The following BICRA variants were observed in gnomAD, a reference collection of about 807,000 sequenced individuals.
BICRA encodes the protein BRD4-interacting chromatin-remodeling complex-associated protein.
In BICRA, 31 loss-of-function variants were observed where a neutral mutation model predicts 96.9. The observed-to-expected ratio is 0.32, with a 90% confidence interval of 0.24 to 0.43. The LOEUF is 0.43. Among genes scored for constraint, BICRA ranks in the 20% least tolerant of loss-of-function variants. The probability of loss-of-function intolerance (pLI) is 1.00; values close to 1 mark genes in which losing one functional copy is unlikely to be tolerated. For missense variants in BICRA, 2,283 were observed against 2,190.3 expected (o/e 1.04, Z -0.84); for synonymous variants, 1,350 against 1,071.8 (o/e 1.26, Z -5.07).
At chr19:47,676,085 G>A (rs1972936226) in intron 5 of BICRA, among the ~76,000 whole-genome samples, 169 bp downstream of exon 5, 1 of 152,088 alleles carries the variant, frequency 6.6e-6, no homozygotes, top group South Asian at 2.1e-4. Flanking sequence ...GTGCAGGAGG[G>A]AGCAGAGCTG....
chr19:47,694,809 G>A (rs901849658), intron 8 of BICRA, 83 bp downstream of exon 8: 28 of 1,102,316 alleles, frequency 2.5e-5, no homozygotes, highest in Admixed American at 1.6e-4. Context: ...TCCGCCTTAC[G>A]GCTCTGTGAT....
At chr19:47,629,690 C>T (rs1286568592) in intron 1 of BICRA, among the ~76,000 whole-genome samples, 2 of 152,112 alleles carry the variant, frequency 1.3e-5, no homozygotes, top group African/African-American at 4.8e-5. Context: ...CGGAGTCTCG[C>T]TCTGTCGCCC....
At chr19:47,634,327 C>T (rs1344290334) in intron 1 of BICRA, among the ~76,000 whole-genome samples, 2 of 152,078 alleles carry the variant, frequency 1.3e-5, no homozygotes, top group African/African-American at 4.8e-5. Context: ...GGCCTGCCCT[C>T]GACATGGGAT....
chr19:47,695,415 C>T lies in BICRA; in HGVS notation c.3127C>T (p.Pro1043Ser). Residue 1043 changes from proline (P) to serine (S), a missense_variant, in exon 10 of 15, where the codon CCG (proline) becomes TCG (serine). Coordinates refer to ENST00000594866, the MANE Select transcript of BICRA (RefSeq NM_001394372.1). The part of the protein sequence containing the change: ...AENKAFASNL[P>S]TLNVAKAASS... ...GAACAAGGCTTTTGCCAGCAACCTC[C>T]CGACCCTGAATGTGGCCAAGGCCGC... is the stretch of plus-strand genomic sequence containing the variant. The T allele has an allele frequency of 6.3e-7, 1 of 1,599,588 alleles. No homozygotes were observed. Among genetic ancestry groups the T allele is most frequent in the Non-Finnish European group, 8.5e-7 (1 of 1,173,452 alleles).
chr19:47,665,236 C>T (rs2123565732), intron 1 of BICRA, among the ~76,000 whole-genome samples: 1 of 152,316 alleles, frequency 6.6e-6, no homozygotes, highest in Non-Finnish European at 1.5e-5. Flanking sequence ...TACATTTCAG[C>T]AGGTTGCCTC....
chr19:47,631,095 C>T (rs1972215747), intron 1 of BICRA, among the ~76,000 whole-genome samples: 1 of 152,114 alleles, frequency 6.6e-6, no homozygotes, highest in African/African-American at 2.4e-5. Context: ...GAGTCTGACT[C>T]TTTTGCCCAT....
At chr19:47,653,015 C>CTTTTTTT (rs869230602) in intron 1 of BICRA, among the ~76,000 whole-genome samples, 3 of 113,708 alleles carry the variant, frequency 2.6e-5, no homozygotes, top group African/African-American at 3.6e-5. Flanking sequence ...CGTCCTCATT[C>CTTTTTTT]TTTTTTTTTT....
intron 9 of BICRA, 127 bp downstream of exon 9, chr19:47,695,207 G>A: frequency 2.5e-6 from 2 of 813,542 alleles, no homozygotes; most frequent in South Asian, 3.4e-5. Flanking sequence ...AGAACTCAAG[G>A]GACACAGGAA....
At position 47,680,604 on chromosome 19, in the gene BICRA, G is replaced by T. The variant is rs1332643221; in HGVS notation, c.1434G>T (p.Pro478=). 1.2e-6 allele frequency: 2 copies of T among 1,609,546 alleles called. No individual in the cohort carries two copies. Among genetic ancestry groups the T allele is most frequent in the Admixed American group, 1.7e-5 (1 of 59,742 alleles). ...ACCAGTTCCTACTGCCTGGCGCCCC[G>T]GCGGTCCAGCTCCCGCAGCAGCTCT... ...GQNQFLLPGA[P]AVQLPQQLSA... is the part of the protein sequence containing the mutation. The change falls in exon 6 of 15, where the codon CCG becomes CCT. Residue 478 remains proline (P), a synonymous_variant. Coordinates refer to ENST00000594866, the MANE Select transcript of BICRA (RefSeq NM_001394372.1).
chr19:47,647,203 GT>G (rs964754367), intron 1 of BICRA, among the ~76,000 whole-genome samples: 27 of 149,980 alleles, frequency 1.8e-4, no homozygotes, highest in African/African-American at 4.6e-4. Flanking sequence ...GACATTGGAG[GT>G]TTTTTTTTTC....
chr19:47,614,117 G>A (rs1971950241), intron 1 of BICRA, among the ~76,000 whole-genome samples: 1 of 151,948 alleles, frequency 6.6e-6, no homozygotes, highest in South Asian at 2.1e-4. Flanking sequence ...CTGTCTGGGT[G>A]GTCTGAGACA....
chr19:47,681,010 G>A lies in BICRA; in HGVS notation c.1840G>A (p.Glu614Lys). The A allele has an allele frequency of 6.9e-7, 1 of 1,455,376 alleles. No homozygotes were observed. Among genetic ancestry groups the A allele is most frequent in the Non-Finnish European group, 9.0e-7 (1 of 1,112,726 alleles). The allele number at this position is 1,455,376 out of a possible 1,614,324, so 90.2% of individuals were successfully genotyped here. The change falls in exon 6 of 15, where the codon GAG (glutamate) becomes AAG (lysine). Residue 614 changes from glutamate (E) to lysine (K), a missense_variant. Transcript: ENST00000594866. ...QPATPAAATG[E>K]AAPVLTVQPA... Reference sequence around the variant, plus strand: ...GGCCACCCCTGCCGCTGCCACCGGGGAGGCCGCGCCTGTCCTCACGGTGCA... The same window carrying A: ...GGCCACCCCTGCCGCTGCCACCGGGAAGGCCGCGCCTGTCCTCACGGTGCA...
intron 1 of BICRA, among the ~76,000 whole-genome samples, chr19:47,667,655 T>C (rs1972802954): frequency 6.6e-6 from 1 of 152,142 alleles, no homozygotes; most frequent in South Asian, 2.1e-4. Context: ...TCTAGCTCTT[T>C]CTGGGATCGG....
intron 1 of BICRA, among the ~76,000 whole-genome samples, chr19:47,624,405 C>T (rs1248105031): frequency 2.6e-5 from 4 of 152,120 alleles, no homozygotes; most frequent in Non-Finnish European, 5.9e-5. Context: ...GAGCCACACA[C>T]GTTTTTTGAT....
intron 1 of BICRA, among the ~76,000 whole-genome samples, chr19:47,655,249 G>T (rs562889268): frequency 6.6e-6 from 1 of 152,190 alleles, no homozygotes; most frequent in East Asian, 1.9e-4. Flanking sequence ...AGTTTGGCCA[G>T]GCGTGGTGGC....
intron 1 of BICRA, among the ~76,000 whole-genome samples, chr19:47,619,050 G>A (rs1463400361): frequency 6.6e-6 from 1 of 152,120 alleles, no homozygotes; most frequent in Admixed American, 6.6e-5. Flanking sequence ...GCCTGGGTGC[G>A]GGAGTTCTCC....
intron 1 of BICRA, among the ~76,000 whole-genome samples, chr19:47,643,205 A>G (rs1017544894): frequency 4.6e-5 from 7 of 152,198 alleles, no homozygotes; most frequent in African/African-American, 1.7e-4. Context: ...CCTGACCTCA[A>G]GTGATCTGCC....
intron 1 of BICRA, among the ~76,000 whole-genome samples, chr19:47,669,759 C>T (rs1464872218): frequency 6.6e-6 from 1 of 151,960 alleles, no homozygotes; most frequent in Non-Finnish European, 1.5e-5. Flanking sequence ...CGGGTTCACG[C>T]GATTCTCCTG....
At chr19:47,628,555 A>G (rs905467098) in intron 1 of BICRA, among the ~76,000 whole-genome samples, 4 of 152,214 alleles carry the variant, frequency 2.6e-5, no homozygotes, top group Non-Finnish European at 5.9e-5. Flanking sequence ...GTCATATAAC[A>G]CGACGAAAGT....
Sources: allele counts gnomAD v4.1 joint callset (sites outside exome capture counted in the v4.1 genomes callset), GRCh38; gene constraint gnomAD v4.1.1; transcripts MANE v1.5; gene names NCBI Gene and HGNC (gene_info 2026-07-23, HGNC 2026-07-21).